OTOGL: variants seen among roughly 807,000 people sequenced by gnomAD.
OTOGL encodes the protein otogelin-like protein.
A neutral mutation model predicts 318.5 loss-of-function variants in OTOGL; 285 were observed. That is an observed-to-expected ratio of 0.89 (90% confidence interval 0.81 to 0.99). The LOEUF is 0.99. OTOGL is among the 50% of genes least tolerant of loss of function. OTOGL has a pLI of 0.00. For synonymous variants in OTOGL, 987 were observed against 936.5 expected, an observed-to-expected ratio of 1.05 and a Z score of -0.99; for missense variants, 2,899 against 2,845.6, an observed-to-expected ratio of 1.02 and a Z score of -0.43.
intron 52 of OTOGL, among the ~76,000 whole-genome samples, chr12:80,362,319 A>T (rs949316438): frequency 6.6e-6 from 1 of 152,098 alleles, no homozygotes; most frequent in African/African-American, 2.4e-5. Flanking sequence ...TGGATTCTCT[A>T]TTCTGTTTTA....
chr12:80,150,207 A>AT (rs1208690734), intron 1 of OTOGL, among the ~76,000 whole-genome samples: 2 of 151,980 alleles, frequency 1.3e-5, no homozygotes, highest in African/African-American at 4.8e-5. Flanking sequence ...TCTCTAGAAT[A>AT]TTTTTTTTCT....
intron 37 of OTOGL, 36 bp from the exon 38 acceptor site, chr12:80,332,969 T>C (rs767630871): frequency 6.7e-7 from 1 of 1,495,492 alleles, no homozygotes; most frequent in Non-Finnish European, 9.2e-7. Flanking sequence ...GATAAATGCA[T>C]TCCACTAATG....
At chr12:80,278,989 C>T (rs202126020) in intron 25 of OTOGL, 39 bp from the exon 26 acceptor site, 68 of 1,579,054 alleles carry the variant, frequency 4.3e-5, no homozygotes, top group Non-Finnish European at 5.5e-5. Context: ...TAGTTAGAGT[C>T]GTTTCTTTAG....
intron 1 of OTOGL, among the ~76,000 whole-genome samples, chr12:80,149,959 T>C (rs914470149): frequency 3.9e-5 from 6 of 152,102 alleles, no homozygotes; most frequent in Non-Finnish European, 8.8e-5. Flanking sequence ...TGTCTGGCAC[T>C]CCCTAGTGAG....
chr12:80,373,202 G>T (rs1049396213), intron 57 of OTOGL, among the ~76,000 whole-genome samples: 3 of 152,116 alleles, frequency 2.0e-5, no homozygotes, highest in Non-Finnish European at 2.9e-5. Context: ...GGGAGGCCAA[G>T]TTGGGTGGAT....
At chr12:80,149,602 C>T (rs930250595) in intron 1 of OTOGL, among the ~76,000 whole-genome samples, 1 of 152,076 alleles carries the variant, frequency 6.6e-6, no homozygotes, top group Admixed American at 6.5e-5. Flanking sequence ...CCACCCAGTT[C>T]GAGCTTCCTG....
intron 1 of OTOGL, among the ~76,000 whole-genome samples, chr12:80,136,640 C>T (rs185507837): frequency 1.3e-5 from 2 of 152,242 alleles, no homozygotes; most frequent in Admixed American, 1.3e-4. Flanking sequence ...CTACCTGGAC[C>T]ATAATTTCTC....
intron 11 of OTOGL, among the ~76,000 whole-genome samples, chr12:80,250,545 C>A (rs1448163603): frequency 6.6e-6 from 1 of 152,046 alleles, no homozygotes; most frequent in Non-Finnish European, 1.5e-5. Flanking sequence ...GCAATTTTAG[C>A]CTAAACTGTT....
At chr12:80,230,692 TG>T (rs1193021554) in intron 8 of OTOGL, among the ~76,000 whole-genome samples, 1 of 152,222 alleles carries the variant, frequency 6.6e-6, no homozygotes, top group East Asian at 1.9e-4. Flanking sequence ...ATGCTGTTCC[TG>T]GCTTGGGGCC....
At chr12:80,290,451 C>A (rs1305855960) in intron 26 of OTOGL, among the ~76,000 whole-genome samples, 1 of 151,928 alleles carries the variant, frequency 6.6e-6, no homozygotes. Context: ...ATTTTACTTT[C>A]TTTAACAACC....
At chr12:80,118,447 CG>C (rs1325263860) in intron 1 of OTOGL, among the ~76,000 whole-genome samples, 4 of 152,114 alleles carry the variant, frequency 2.6e-5, no homozygotes, top group South Asian at 2.1e-4. Context: ...TTCCCAACCC[CG>C]ATGGCTTAGG....
intron 1 of OTOGL, among the ~76,000 whole-genome samples, chr12:80,201,957 A>C (rs2137286423): frequency 6.6e-6 from 1 of 152,318 alleles, no homozygotes; most frequent in East Asian, 1.9e-4. Context: ...TGCTGTCTGC[A>C]TTCTACCATC....
At chr12:80,184,237 G>A (rs923380364) in intron 1 of OTOGL, among the ~76,000 whole-genome samples, 3 of 152,162 alleles carry the variant, frequency 2.0e-5, no homozygotes, top group Admixed American at 2.0e-4. Flanking sequence ...ACTAAGCAAT[G>A]AGTTATCAGG....
intron 6 of OTOGL, among the ~76,000 whole-genome samples, 170 bp downstream of exon 6, chr12:80,220,082 T>TAGGGCCACTTTCCCTC (rs1392910850): frequency 6.6e-6 from 1 of 152,148 alleles, no homozygotes; most frequent in Non-Finnish European, 1.5e-5. Flanking sequence ...CAAAAGTAGA[T>TAGGGCCACTTTCCCTC]AGGGCCACTT....
chr12:80,321,768 G>T (rs980560964), intron 34 of OTOGL, among the ~76,000 whole-genome samples: 8 of 152,058 alleles, frequency 5.3e-5, no homozygotes, highest in Non-Finnish European at 8.8e-5. Flanking sequence ...GCATTCTTAG[G>T]TGTGGTGACA....
chr12:80,339,394 G>T, intron 43 of OTOGL, 130 bp downstream of exon 43: 1 of 720,992 alleles, frequency 1.4e-6, no homozygotes, highest in Non-Finnish European at 2.2e-6. Context: ...TTAACTTTCA[G>T]TTCCCATGTA....
At chr12:80,151,868 T>G (rs1450007350) in intron 1 of OTOGL, among the ~76,000 whole-genome samples, 1 of 152,260 alleles carries the variant, frequency 6.6e-6, no homozygotes. Flanking sequence ...CTTCTGTGCC[T>G]ATAGAATCTA....
intron 1 of OTOGL, among the ~76,000 whole-genome samples, chr12:80,130,352 A>G (rs1353838432): frequency 1.3e-5 from 2 of 152,240 alleles, no homozygotes; most frequent in East Asian, 3.8e-4. Context: ...GCTGAGGCCA[A>G]TTTAGTCTGA....
At chr12:80,323,899 T>C (rs1187754649) in intron 35 of OTOGL, 59 bp downstream of exon 35, 3 of 1,338,918 alleles carry the variant, frequency 2.2e-6, no homozygotes, top group East Asian at 2.3e-5. Context: ...CTGTTTTCAG[T>C]TGATTTTTTT....
Sources: gnomAD v4.1 joint callset for allele counts (sites outside exome capture counted in the v4.1 genomes callset) on GRCh38, gnomAD v4.1.1 for gene constraint, MANE v1.5 for transcripts, NCBI Gene and HGNC (gene_info 2026-07-23, HGNC 2026-07-21) for gene names.